The following CPNE4 variants were observed in gnomAD, a reference collection of about 807,000 sequenced individuals.
The protein encoded by CPNE4 is copine-4.
CPNE4 carries 25 observed loss-of-function variants against 67.9 expected under a neutral mutation model. The ratio of observed to expected loss-of-function variants is 0.37; its 90% CI spans 0.27 to 0.51. The LOEUF (loss-of-function observed/expected upper bound fraction) is 0.51, where lower values mean the gene tolerates loss of function less well. CPNE4 is among the 20% of genes least tolerant of loss of function. The pLI is 0.93. For missense variants in CPNE4, 464 were observed against 690.8 expected, an observed-to-expected ratio of 0.67 and a Z score of 3.68; for synonymous variants, 242 against 244.9, an observed-to-expected ratio of 0.99 and a Z score of 0.11.
chr3:131,983,912 A>T (rs1267200408), intron 1 of CPNE4, among the ~76,000 whole-genome samples: 1 of 152,174 alleles, frequency 6.6e-6, no homozygotes, highest in Non-Finnish European at 1.5e-5. Flanking sequence ...TCTTCAAATC[A>T]CAAATTACTT....
chr3:131,661,362 T>TA, intron 7 of CPNE4, among the ~76,000 whole-genome samples: 1 of 152,338 alleles, frequency 6.6e-6, no homozygotes, highest in African/African-American at 2.4e-5. Flanking sequence ...TCACCTGTAA[T>TA]ATAAGATGAT....
chr3:131,578,191 T>G (rs1388229880), intron 9 of CPNE4, among the ~76,000 whole-genome samples: 1 of 152,246 alleles, frequency 6.6e-6, no homozygotes, highest in Admixed American at 6.5e-5. Flanking sequence ...TCGCTTTGTG[T>G]CTGTCACATT....
intron 1 of CPNE4, among the ~76,000 whole-genome samples, chr3:131,935,418 T>G (rs2107840445): frequency 6.6e-6 from 1 of 152,126 alleles, no homozygotes; most frequent in East Asian, 1.9e-4. Flanking sequence ...TGGGATGTTT[T>G]AATTAGCGAT....
intron 2 of CPNE4, among the ~76,000 whole-genome samples, chr3:131,842,793 TA>T (rs1583307446): frequency 2.2e-5 from 3 of 138,324 alleles, no homozygotes; most frequent in Admixed American, 1.4e-4. Context: ...GAATTGTAAA[TA>T]AAAAAAATTA....
At chr3:131,962,794 TCTTAAAAA>T (rs1225695259) in intron 1 of CPNE4, among the ~76,000 whole-genome samples, 3 of 151,972 alleles carry the variant, frequency 2.0e-5, no homozygotes, top group Non-Finnish European at 4.4e-5. Context: ...TTCAGCAGAT[TCTTAAAAA>T]GTCCCTGATT....
chr3:131,973,079 T>C (rs879685179), intron 1 of CPNE4, among the ~76,000 whole-genome samples: 1 of 152,158 alleles, frequency 6.6e-6, no homozygotes, highest in African/African-American at 2.4e-5. Flanking sequence ...CCCAACTGGT[T>C]GTAACAGCAG....
chr3:131,787,189 G>T (rs2083589892), intron 2 of CPNE4, among the ~76,000 whole-genome samples: 1 of 152,162 alleles, frequency 6.6e-6, no homozygotes, highest in Non-Finnish European at 1.5e-5. Flanking sequence ...GGGCTGATTT[G>T]CCAACTTGGT....
intron 1 of CPNE4, among the ~76,000 whole-genome samples, chr3:131,984,309 A>G (rs973051988): frequency 2.6e-5 from 4 of 152,198 alleles, no homozygotes; most frequent in Non-Finnish European, 4.4e-5. Flanking sequence ...AATGGTTACA[A>G]CAGTACCGTT....
intron 2 of CPNE4, among the ~76,000 whole-genome samples, chr3:131,886,549 G>A (rs940474967): frequency 6.6e-6 from 1 of 151,086 alleles, no homozygotes; most frequent in Non-Finnish European, 1.5e-5. Flanking sequence ...CCCCAGAATG[G>A]TAGATCTACT....
chr3:131,722,187 CTT>C (rs1205942987), intron 3 of CPNE4, among the ~76,000 whole-genome samples: 4 of 152,196 alleles, frequency 2.6e-5, no homozygotes, highest in African/African-American at 9.7e-5. Context: ...CTTGCCATCT[CTT>C]TGTCAGGTAG....
At chr3:131,806,322 G>A (rs1047859330) in intron 2 of CPNE4, among the ~76,000 whole-genome samples, 4 of 152,082 alleles carry the variant, frequency 2.6e-5, no homozygotes, top group South Asian at 2.1e-4. Context: ...AGCCCGAGGC[G>A]GGTAGATCAT....
chr3:131,845,371 G>T (rs765717471), intron 2 of CPNE4, among the ~76,000 whole-genome samples: 6 of 152,158 alleles, frequency 3.9e-5, no homozygotes, highest in Non-Finnish European at 7.3e-5. Flanking sequence ...TTTACCTGAG[G>T]TTACATCCAA....
At chr3:131,813,418 ATG>A in intron 2 of CPNE4, among the ~76,000 whole-genome samples, 1 of 149,862 alleles carries the variant, frequency 6.7e-6, no homozygotes, top group Non-Finnish European at 1.5e-5. Context: ...GTATATATGT[ATG>A]TGTGTATACA....
chr3:131,940,706 A>C (rs1468441565), intron 1 of CPNE4, among the ~76,000 whole-genome samples: 1 of 152,118 alleles, frequency 6.6e-6, no homozygotes, highest in Non-Finnish European at 1.5e-5. Flanking sequence ...GTTCTAGGAT[A>C]AGGAAAATTA....
chr3:132,018,599 T>C (rs900729001), intron 1 of CPNE4, among the ~76,000 whole-genome samples: 1 of 152,198 alleles, frequency 6.6e-6, no homozygotes, highest in Non-Finnish European at 1.5e-5. Flanking sequence ...CTCTACAGCC[T>C]GTGTCTGCTA....
At chr3:131,613,458 A>G (rs1189806331) in intron 7 of CPNE4, among the ~76,000 whole-genome samples, 2 of 152,204 alleles carry the variant, frequency 1.3e-5, no homozygotes, top group African/African-American at 2.4e-5. Context: ...AGCCACAGGA[A>G]TCTTGCCTTC....
intron 2 of CPNE4, among the ~76,000 whole-genome samples, chr3:131,817,802 A>G (rs2084802963): frequency 6.6e-6 from 1 of 152,226 alleles, no homozygotes; most frequent in Non-Finnish European, 1.5e-5. Context: ...ATGACTGAAA[A>G]GGGATACAGA....
intron 7 of CPNE4, among the ~76,000 whole-genome samples, chr3:131,624,950 T>C (rs1343281137): frequency 6.6e-6 from 1 of 152,152 alleles, no homozygotes; most frequent in African/African-American, 2.4e-5. Context: ...CAAAATGGTG[T>C]TTTTAGCTTC....
At chr3:131,863,061 G>C (rs2086761581) in intron 2 of CPNE4, among the ~76,000 whole-genome samples, 1 of 152,016 alleles carries the variant, frequency 6.6e-6, no homozygotes, top group Admixed American at 6.6e-5. Flanking sequence ...TGGCTGCATA[G>C]TATTCCATGG....
Sources: gnomAD v4.1 joint callset for allele counts (sites outside exome capture counted in the v4.1 genomes callset) on GRCh38, gnomAD v4.1.1 for gene constraint, MANE v1.5 for transcripts, NCBI Gene and HGNC (gene_info 2026-07-23, HGNC 2026-07-21) for gene names.